SBF2: variants seen among roughly 807,000 people sequenced by gnomAD.
The protein encoded by SBF2 is SET binding factor 2.
In SBF2, 112 loss-of-function variants were observed where a neutral mutation model predicts 225.2. The observed-to-expected ratio is 0.50, with a 90% CI of 0.43 to 0.58. SBF2 has a LOEUF of 0.58. Among genes scored for constraint, SBF2 ranks in the 20% least tolerant of loss-of-function variants. The pLI is 0.00. For missense variants in SBF2, 1,996 were observed against 2,206.2 expected, an observed-to-expected ratio of 0.90 and a Z score of 1.91; for synonymous variants, 763 against 773.3, an observed-to-expected ratio of 0.99 and a Z score of 0.22.
At chr11:10,040,698 T>C (rs902085329) in intron 3 of SBF2, among the ~76,000 whole-genome samples, 1 of 151,792 alleles carries the variant, frequency 6.6e-6, no homozygotes, top group Non-Finnish European at 1.5e-5. Context: ...ACTGTTCATG[T>C]ACCTCTGAAG....
intron 25 of SBF2, among the ~76,000 whole-genome samples, chr11:9,840,262 A>AAAC (rs1398858882): frequency 1.3e-5 from 2 of 151,980 alleles, no homozygotes; most frequent in Admixed American, 6.6e-5. Context: ...CAAAAAAAAA[A>AAAC]AAAAACAAAC....
chr11:9,891,363 AT>A (rs1860801028), intron 17 of SBF2, among the ~76,000 whole-genome samples: 1 of 152,210 alleles, frequency 6.6e-6, no homozygotes, highest in African/African-American at 2.4e-5. Context: ...TTTAATAAAC[AT>A]AATCTTTAAA....
intron 8 of SBF2, 104 bp downstream of exon 8, chr11:10,000,810 G>A (rs758679854): frequency 5.9e-6 from 4 of 683,092 alleles, no homozygotes; most frequent in Non-Finnish European, 1.1e-5. Flanking sequence ...TACTGGAAAT[G>A]CTACAGATCT....
chr11:10,029,721 G>A (rs1207832834), intron 5 of SBF2, 44 bp downstream of exon 5: 4 of 1,181,696 alleles, frequency 3.4e-6, no homozygotes, highest in Non-Finnish European at 5.1e-6. Flanking sequence ...GAGGAGAGGG[G>A]AAGAGGAACA....
chr11:9,873,569 T>C (rs1258103184), intron 17 of SBF2, among the ~76,000 whole-genome samples: 2 of 152,140 alleles, frequency 1.3e-5, no homozygotes, highest in African/African-American at 2.4e-5. Flanking sequence ...TAGGCAGACA[T>C]AGATAACTGG....
intron 1 of SBF2, among the ~76,000 whole-genome samples, chr11:10,258,469 C>T (rs764008620): frequency 3.3e-5 from 5 of 152,094 alleles, no homozygotes; most frequent in African/African-American, 4.8e-5. Context: ...CTGAAGTTAC[C>T]ACTCTTCACA....
At chr11:10,100,400 A>G (rs1590955266) in intron 2 of SBF2, among the ~76,000 whole-genome samples, 1 of 152,230 alleles carries the variant, frequency 6.6e-6, no homozygotes, top group Admixed American at 6.5e-5. Flanking sequence ...TGATGGATCC[A>G]AAGGCCAGCC....
At chr11:10,028,728 A>C (rs1420617051) in intron 5 of SBF2, among the ~76,000 whole-genome samples, 171 bp from the exon 6 acceptor site, 1 of 152,260 alleles carries the variant, frequency 6.6e-6, no homozygotes, top group Admixed American at 6.5e-5. Context: ...TTGTATACTT[A>C]AGTGGCATAA....
At chr11:10,109,824 T>C (rs754098997) in intron 2 of SBF2, among the ~76,000 whole-genome samples, 4 of 152,232 alleles carry the variant, frequency 2.6e-5, no homozygotes, top group Admixed American at 6.5e-5. Flanking sequence ...ACCTAAAACA[T>C]CTTGTTAAAT....
Position 9,842,803 on chromosome 11 carries a change from T to G in SBF2, c.3111-33A>C, listed in dbSNP as rs1010453044. The G allele has an allele frequency of 1.9e-6, 3 of 1,610,562 alleles. No individual in the cohort carries two copies. In the African/African-American group the frequency reaches 4.0e-5, roughly 22 times the overall value. On this transcript the variant is annotated intron_variant, in intron 24 of 39. Transcript: ENST00000256190. ...TCATAAAACCAAAGAGAATGTCAACTTAATATAAAAGCACTACTTGTATTG... is the reference window on the plus strand; with the variant it reads ...TCATAAAACCAAAGAGAATGTCAACGTAATATAAAAGCACTACTTGTATTG...
intron 1 of SBF2, among the ~76,000 whole-genome samples, chr11:10,268,768 C>A (rs749267860): frequency 6.6e-6 from 1 of 152,196 alleles, no homozygotes; most frequent in Admixed American, 6.5e-5. Context: ...TCAAGGAACT[C>A]TTTTTCAGTC....
intron 16 of SBF2, among the ~76,000 whole-genome samples, chr11:9,899,066 C>A (rs957554693): frequency 3.6e-5 from 5 of 139,646 alleles, no homozygotes; most frequent in Non-Finnish European, 6.5e-5. Flanking sequence ...AAAAAAAAAA[C>A]AACAACAAAA....
intron 1 of SBF2, among the ~76,000 whole-genome samples, chr11:10,281,070 C>A (rs1180031298): frequency 6.6e-6 from 1 of 151,980 alleles, no homozygotes; most frequent in Non-Finnish European, 1.5e-5. Flanking sequence ...TTCAGATTAC[C>A]CACATGAAGC....
chr11:9,833,328 A>G (rs1267008833), intron 26 of SBF2, among the ~76,000 whole-genome samples: 1 of 152,042 alleles, frequency 6.6e-6, no homozygotes. Flanking sequence ...TTTCAGAGTC[A>G]TTTCTTTTTT....
At chr11:10,082,348 G>A (rs1157622476) in intron 2 of SBF2, among the ~76,000 whole-genome samples, 1 of 152,116 alleles carries the variant, frequency 6.6e-6, no homozygotes, top group Non-Finnish European at 1.5e-5. Flanking sequence ...AAAAATTAAT[G>A]TGGACGGAAA....
intron 26 of SBF2, among the ~76,000 whole-genome samples, chr11:9,832,678 C>T (rs1447271692): frequency 6.6e-6 from 1 of 152,062 alleles, no homozygotes; most frequent in African/African-American, 2.4e-5. Flanking sequence ...TGGGCTCAAG[C>T]GATCCTCCTT....
intron 2 of SBF2, among the ~76,000 whole-genome samples, chr11:10,112,168 C>T (rs1952899768): frequency 6.6e-6 from 1 of 152,164 alleles, no homozygotes; most frequent in African/African-American, 2.4e-5. Context: ...TTTATCTAAA[C>T]TCTTGAAAGC....
chr11:10,165,018 C>T (rs1955892623), intron 2 of SBF2: 1 of 152,204 alleles, frequency 6.6e-6, no homozygotes, highest in African/African-American at 2.4e-5. Context: ...CCTTGCTTCC[C>T]AGCTCCCTTT....
intron 13 of SBF2, among the ~76,000 whole-genome samples, chr11:9,973,488 A>G (rs1294851531): frequency 6.6e-6 from 1 of 152,234 alleles, no homozygotes; most frequent in Non-Finnish European, 1.5e-5. Context: ...AAACTACTGA[A>G]AAGAGTTTGG....
Sources: allele counts gnomAD v4.1 joint callset (sites outside exome capture counted in the v4.1 genomes callset), GRCh38; gene constraint gnomAD v4.1.1; transcripts MANE v1.5; gene names NCBI Gene and HGNC (gene_info 2026-07-23, HGNC 2026-07-21).